RARB: variants seen among roughly 807,000 people sequenced by gnomAD.
RARB encodes HBV-activated protein.
A neutral mutation model predicts 51.9 loss-of-function variants in RARB; 17 were observed. The observed-to-expected ratio is 0.33, with a 90% CI of 0.22 to 0.49. The LOEUF is 0.49. RARB is among the 20% of genes least tolerant of loss of function. The pLI, the probability that RARB is intolerant of heterozygous loss-of-function variation, is 0.99. For missense variants in RARB, 369 were observed against 550.8 expected (o/e 0.67, Z 3.30); for synonymous variants, 215 against 195.4 (o/e 1.10, Z -0.84).
At chr3:25,166,137 TAAAAGGAGG>T (rs1700556922) in intron 4 of RARB, among the ~76,000 whole-genome samples, 1 of 152,174 alleles carries the variant, frequency 6.6e-6, no homozygotes, top group African/African-American at 2.4e-5. Context: ...ATTCCCAAAT[TAAAAGGAGG>T]TAAGAAATGC....
At chr3:25,115,657 T>C (rs1457132602) in intron 3 of RARB, among the ~76,000 whole-genome samples, 1 of 151,778 alleles carries the variant, frequency 6.6e-6, no homozygotes, top group African/African-American at 2.4e-5. Context: ...TCTTTCTTTT[T>C]CCTTTCCTTT....
chr3:24,967,910 C>A (rs1282168636), intron 2 of RARB, among the ~76,000 whole-genome samples: 1 of 151,982 alleles, frequency 6.6e-6, no homozygotes, highest in Non-Finnish European at 1.5e-5. Flanking sequence ...AGGCAGACAC[C>A]CTAAGGGGGA....
At chr3:24,949,326 C>G (rs533735768) in intron 2 of RARB, among the ~76,000 whole-genome samples, 8 of 152,300 alleles carry the variant, frequency 5.3e-5, no homozygotes, top group African/African-American at 1.9e-4. Flanking sequence ...AGGACCTCCT[C>G]TGAGACAGGA....
chr3:25,108,918 G>T (rs1307333360), intron 3 of RARB, among the ~76,000 whole-genome samples: 1 of 152,048 alleles, frequency 6.6e-6, no homozygotes, highest in Non-Finnish European at 1.5e-5. Context: ...TTCTAAGTGG[G>T]TACTCTGTAT....
At chr3:25,215,930 G>T (rs1465785286) in intron 5 of RARB, among the ~76,000 whole-genome samples, 1 of 152,122 alleles carries the variant, frequency 6.6e-6, no homozygotes, top group Non-Finnish European at 1.5e-5. Context: ...TACAGGGGAA[G>T]AACTTTAGAA....
intron 4 of RARB, among the ~76,000 whole-genome samples, chr3:25,576,760 C>G (rs1730218): frequency 0.38 from 57,776 of 151,916 alleles, 11,213 homozygotes; most frequent in African/African-American, 0.44. Context: ...CCTTTAAGAT[C>G]ACGCCCTCCT....
intron 5 of RARB, among the ~76,000 whole-genome samples, chr3:25,339,292 G>C (rs1705152742): frequency 6.6e-6 from 1 of 152,168 alleles, no homozygotes; most frequent in African/African-American, 2.4e-5. Flanking sequence ...ATAACAACTG[G>C]AAGTGTAAAT....
intron 4 of RARB, among the ~76,000 whole-genome samples, chr3:25,165,108 A>G (rs1700538475): frequency 6.6e-6 from 1 of 152,158 alleles, no homozygotes; most frequent in African/African-American, 2.4e-5. Context: ...GAAAGAAGAA[A>G]GAAAAAAAAT....
At chr3:25,287,449 A>T (rs560066545) in intron 5 of RARB, among the ~76,000 whole-genome samples, 1 of 152,298 alleles carries the variant, frequency 6.6e-6, no homozygotes, top group African/African-American at 2.4e-5. Flanking sequence ...ATTCTAAGGG[A>T]TGTTGGTCCC....
chr3:24,874,907 T>C (rs1703012617), intron 2 of RARB, among the ~76,000 whole-genome samples: 1 of 152,126 alleles, frequency 6.6e-6, no homozygotes, highest in Non-Finnish European at 1.5e-5. Context: ...CTAAAAGTTA[T>C]ACGCTCATTT....
At chr3:25,096,517 T>C (rs1204153681) in intron 3 of RARB, among the ~76,000 whole-genome samples, 1 of 152,218 alleles carries the variant, frequency 6.6e-6, no homozygotes, top group African/African-American at 2.4e-5. Flanking sequence ...TAGTAAGTTA[T>C]CTATTTTTAG....
At chr3:25,494,941 A>C (rs112708447) in intron 2 of RARB, among the ~76,000 whole-genome samples, 2,570 of 152,316 alleles carry the variant, frequency 0.017, 70 homozygotes, top group African/African-American at 0.056. Context: ...CTTTGCATGC[A>C]TTCCCTCTTT....
Position 25,428,518 on chromosome 3 carries a change from A to T in RARB, c.-214A>T. 7.9e-7 allele frequency: 1 copy of T among 1,269,140 alleles called. No individual in the cohort carries two copies. Among genetic ancestry groups the T allele is most frequent in the Non-Finnish European group, 9.9e-7 (1 of 1,008,114 alleles). 78.6% of individuals were successfully genotyped at this position (1,269,140 alleles called of 1,614,324 possible). ...CCCGCCCCGGCTGGATTGGCCGAGC[A>T]AGCCTGGAAAATGGTAAATGATCAT... On this transcript the variant is annotated 5_prime_UTR_variant, in exon 1 of 8. Transcript: ENST00000330688.
chr3:25,235,791 CTTTTG>C (rs750303528), intron 5 of RARB, among the ~76,000 whole-genome samples: 243 of 152,260 alleles, frequency 1.6e-3, no homozygotes, highest in African/African-American at 5.5e-3. Flanking sequence ...CTATTACTCA[CTTTTG>C]TTTTGTGCAT....
chr3:25,595,350 G>A (rs1701776877), intron 7 of RARB, among the ~76,000 whole-genome samples: 1 of 152,158 alleles, frequency 6.6e-6, no homozygotes, highest in African/African-American at 2.4e-5. Flanking sequence ...GAAGATGTTT[G>A]CTAGCCAAGG....
At chr3:25,401,770 C>T (rs992579459) in intron 5 of RARB, among the ~76,000 whole-genome samples, 1 of 152,038 alleles carries the variant, frequency 6.6e-6, no homozygotes, top group African/African-American at 2.4e-5. Context: ...AGACATTGAA[C>T]ATTTTCTTTT....
chr3:25,506,441 A>G (rs1022333049), intron 3 of RARB, among the ~76,000 whole-genome samples: 1 of 151,860 alleles, frequency 6.6e-6, no homozygotes, highest in East Asian at 1.9e-4. Context: ...CCCCAACTCT[A>G]CAAAATTTTT....
chr3:25,377,123 G>A (rs1339788202), intron 5 of RARB, among the ~76,000 whole-genome samples: 1 of 152,136 alleles, frequency 6.6e-6, no homozygotes, highest in East Asian at 1.9e-4. Flanking sequence ...GAGAAATAAT[G>A]TGACCTACAG....
intron 2 of RARB, among the ~76,000 whole-genome samples, chr3:24,898,429 T>C (rs1179914936): frequency 6.6e-6 from 1 of 151,726 alleles, no homozygotes; most frequent in Non-Finnish European, 1.5e-5. Context: ...ATTGAAATTA[T>C]CAGTACAATT....
Sources: gnomAD v4.1 joint callset for allele counts (sites outside exome capture counted in the v4.1 genomes callset) on GRCh38, gnomAD v4.1.1 for gene constraint, MANE v1.5 for transcripts, NCBI Gene and HGNC (gene_info 2026-07-23, HGNC 2026-07-21) for gene names.